FBP2: variants seen among roughly 807,000 people sequenced by gnomAD.
FBP2 encodes fructose-bisphosphatase 2.
A neutral mutation model predicts 31.6 loss-of-function variants in FBP2; 27 were observed. That is an observed-to-expected ratio of 0.85 (90% CI 0.63 to 1.18). The LOEUF is 1.18. FBP2 is among the 50% of genes most tolerant of loss of function. The pLI is 0.00. For missense variants in FBP2, 421 were observed against 436.1 expected, an observed-to-expected ratio of 0.97 and a Z score of 0.31; for synonymous variants, 168 against 179.8, an observed-to-expected ratio of 0.93 and a Z score of 0.53.
At chr9:94,571,715 GA>G in intron 3 of FBP2, 113 bp from the exon 4 acceptor site, 1 of 980,280 alleles carries the variant, frequency 1.0e-6, no homozygotes, top group Non-Finnish European at 1.5e-6. Context: ...GCGGTTCTTT[GA>G]ATTTTAAGCT....
chr9:94,582,372 G>A (rs1014680660), intron 3 of FBP2, among the ~76,000 whole-genome samples: 27 of 151,590 alleles, frequency 1.8e-4, no homozygotes, highest in African/African-American at 6.3e-4. Flanking sequence ...GTGTGTGTGT[G>A]TGTGTGTGTG....
intron 6 of FBP2, 141 bp from the exon 7 acceptor site, chr9:94,559,273 G>T: frequency 2.9e-6 from 2 of 698,952 alleles, no homozygotes; most frequent in Non-Finnish European, 4.7e-6. Context: ...TGCAAGAGTG[G>T]GCCCGAGCTT....
chr9:94,590,010 G>A (rs890148486), intron 1 of FBP2, among the ~76,000 whole-genome samples: 2 of 152,122 alleles, frequency 1.3e-5, no homozygotes, highest in African/African-American at 2.4e-5. Context: ...GGGCAGAGCT[G>A]AGAAACAGCC....
intron 1 of FBP2, among the ~76,000 whole-genome samples, 193 bp downstream of exon 1, chr9:94,593,364 G>A (rs773484451): frequency 3.3e-5 from 5 of 152,138 alleles, no homozygotes; most frequent in African/African-American, 4.8e-5. Flanking sequence ...GCATGTTTTC[G>A]TTCCTTTCTC....
chr9:94,566,245 C>T (rs987558747), intron 5 of FBP2, among the ~76,000 whole-genome samples: 1 of 152,248 alleles, frequency 6.6e-6, no homozygotes, highest in Middle Eastern at 3.2e-3. Context: ...TGGCCATAAA[C>T]AAAGTCTCTG....
chr9:94,573,765 G>A (rs889237015), intron 3 of FBP2, among the ~76,000 whole-genome samples: 3 of 152,180 alleles, frequency 2.0e-5, no homozygotes, highest in African/African-American at 7.2e-5. Flanking sequence ...TATTGATAAG[G>A]AATATTGGTC....
At chr9:94,588,243 G>C (rs1827450532) in intron 1 of FBP2, among the ~76,000 whole-genome samples, 1 of 152,166 alleles carries the variant, frequency 6.6e-6, no homozygotes, top group Non-Finnish European at 1.5e-5. Flanking sequence ...GGTGTTACTT[G>C]AACTGAGAAG....
In FBP2 at chr9:94,588,308, A is replaced by C. The variant is rs551295792; in HGVS notation, c.171-839T>G. Among the ~76,000 whole-genome samples the C allele has an allele frequency of 9.9e-5, 15 of 152,270 alleles. No homozygotes were observed. The East Asian group carries it at 2.9e-3, about 29-fold the overall frequency. ...TTTCTTCACTGCCATCCCAAGCAGT[A>C]TAAGAGAGTGCTACTACGAGAATTC... On this transcript the variant is annotated intron_variant, in intron 1 of 6. Transcript: ENST00000375337.
At chr9:94,564,517 G>T (rs1442440464) in intron 5 of FBP2, among the ~76,000 whole-genome samples, 3 of 152,196 alleles carry the variant, frequency 2.0e-5, no homozygotes, top group Non-Finnish European at 2.9e-5. Context: ...AGGAACATGG[G>T]TGGAGCTGAA....
At chr9:94,577,151 C>T (rs558526) in intron 3 of FBP2, among the ~76,000 whole-genome samples, 139,991 of 152,228 alleles carry the variant, frequency 0.92, 64,438 homozygotes, top group African/African-American at 0.94. Context: ...GAGATACACC[C>T]GGGTGGTGAG....
Position 94,587,925 on chromosome 9 carries a change from T to C in FBP2, c.171-456A>G, listed in dbSNP as rs142204866. On this transcript the variant is annotated intron_variant, in intron 1 of 6. Coordinates refer to ENST00000375337, the MANE Select transcript of FBP2 (RefSeq NM_003837.4). ...GTGCAGTGGCACGAACTCTGCTCAC[T>C]GCAAGCTCCGCCTCCTGGGCTCACG... Among the ~76,000 whole-genome samples the C allele has an allele frequency of 3.9e-4, 59 of 152,246 alleles. No individual in the cohort carries two copies. In the Middle Eastern group the frequency reaches 0.01, roughly 26 times the overall value.
Position 94,558,965 on chromosome 9 carries a change from A to G in FBP2, c.993T>C (p.Cys331=), listed in dbSNP as rs778240344. Residue 331 remains cysteine, a synonymous_variant, in exon 7 of 7, where the codon TGT becomes TGC. Transcript: ENST00000375337. ...AGCTGCCTGCCTGATTTTTCTGCACACAGGTGAGATATTCCTGCACATCCT... is the reference window on the plus strand; with the variant it reads ...AGCTGCCTGCCTGATTTTTCTGCACGCAGGTGAGATATTCCTGCACATCCT... The part of the protein sequence containing the change: ...SPEDVQEYLT[C]VQKNQAGS The G allele has an allele frequency of 6.2e-7, 1 of 1,614,136 alleles. No homozygotes were observed. The highest frequency in any genetic ancestry group is 1.1e-5 in the South Asian group (1 of 91,084).
At chr9:94,561,196 A>C (rs1827093686) in intron 6 of FBP2, among the ~76,000 whole-genome samples, 1 of 152,118 alleles carries the variant, frequency 6.6e-6, no homozygotes, top group Non-Finnish European at 1.5e-5. Flanking sequence ...AACTACTTTA[A>C]TCAAAAAAAG....
chr9:94,571,455 T>C lies in FBP2; in HGVS notation c.567+7A>G, dbSNP rs747653168. 1.2e-6 allele frequency: 2 copies of C among 1,607,926 alleles called. No homozygotes were observed. The highest frequency in any genetic ancestry group is 3.4e-5 in the Admixed American group (2 of 59,382). On this transcript the variant is annotated splice_region_variant and intron_variant, in intron 4 of 6. Coordinates refer to ENST00000375337, the MANE Select transcript of FBP2 (RefSeq NM_003837.4). ...CAGGCACAGATGATGCCATATTCTGTACCTACCGGGTCAAGCATGAAGAGG... is the reference window on the plus strand; with the variant it reads ...CAGGCACAGATGATGCCATATTCTGCACCTACCGGGTCAAGCATGAAGAGG...
intron 3 of FBP2, among the ~76,000 whole-genome samples, chr9:94,572,576 G>A (rs1827281005): frequency 1.3e-5 from 2 of 152,126 alleles, no homozygotes; most frequent in Admixed American, 1.3e-4. Flanking sequence ...TTTCATTCAC[G>A]GGCTTAGTGT....
At position 94,561,352 on chromosome 9, in the gene FBP2, A is replaced by ATTTTTTTTTTTT. The variant is rs1174386595; in HGVS notation, c.825+1978_825+1989dup. Among the ~76,000 whole-genome samples, 44 of 54,990 alleles carry ATTTTTTTTTTTT rather than the reference A, an allele frequency of 8.0e-4. 10 individuals carry two copies. Among genetic ancestry groups the ATTTTTTTTTTTT allele is most frequent in the Non-Finnish European group, 9.8e-4 (32 of 32,754 alleles). The allele number at this position is 54,990 out of a possible 152,430, so 36.1% of individuals were successfully genotyped here. On this transcript the variant is annotated intron_variant, in intron 6 of 6. Coordinates refer to ENST00000375337, the MANE Select transcript of FBP2 (RefSeq NM_003837.4). ...GCAGGCCATGTGACATGTGACCTGT[A>ATTTTTTTTTTTT]TTTTTTTTTTTTTTTTTTTTTTTTT...
chr9:94,575,663 G>A lies in FBP2; in HGVS notation c.427-4061C>T, dbSNP rs1386840843. On this transcript the variant is annotated intron_variant, in intron 3 of 6. Coordinates refer to ENST00000375337, the MANE Select transcript of FBP2 (RefSeq NM_003837.4). ...GCTTGGCCATAGTGTGTAAATATCT[G>A]TTTAGCATTAGTAGGTCCTATCAAA... Among the ~76,000 whole-genome samples the A allele has an allele frequency of 3.9e-5, 6 of 152,260 alleles. No homozygotes were observed. In the East Asian group the frequency reaches 1.2e-3, roughly 29 times the overall value.
chr9:94,584,504 A>G (rs527951303), intron 3 of FBP2, 73 bp downstream of exon 3: 135 of 987,298 alleles, frequency 1.4e-4, no homozygotes, highest in Admixed American at 2.9e-4. Flanking sequence ...CTCCAAACAC[A>G]CGGTTTTCAG....
intron 3 of FBP2, among the ~76,000 whole-genome samples, chr9:94,582,251 A>G (rs1827378068): frequency 6.6e-6 from 1 of 152,158 alleles, no homozygotes; most frequent in Admixed American, 6.5e-5. Context: ...CAAAATAAAC[A>G]TGGGTCATAC....
Sources: allele counts gnomAD v4.1 joint callset (sites outside exome capture counted in the v4.1 genomes callset), GRCh38; gene constraint gnomAD v4.1.1; transcripts MANE v1.5; gene names NCBI Gene and HGNC (gene_info 2026-07-23, HGNC 2026-07-21).